Variants in TMEM232 observed in about 807,000 individuals in gnomAD.
TMEM232 encodes transmembrane protein 232.
A neutral mutation model predicts 78.8 loss-of-function variants in TMEM232; 80 were observed. The observed-to-expected ratio is 1.01, with a 90% CI of 0.85 to 1.22. TMEM232 has a LOEUF of 1.22. Ranked by LOEUF, TMEM232 falls within the 50% of genes most tolerant of loss-of-function variation. TMEM232 has a pLI of 0.00. For synonymous variants in TMEM232, 297 were observed against 254.3 expected (o/e 1.17, Z -1.60); for missense variants, 881 against 742.2 (o/e 1.19, Z -2.17).
rs983151660 is a variant in TMEM232, at chr5:110,510,510, A to G, written c.1703+18078T>C. Among the ~76,000 whole-genome samples the G allele has an allele frequency of 5.9e-5, 9 of 152,172 alleles. 1 individual carries two copies. The highest frequency in any genetic ancestry group is 4.6e-4 in the Admixed American group (7 of 15,276). The stretch of plus-strand genomic sequence containing the variant: ...TCTCCTTTCCATTTCTATTGCCACT[A>G]ATCTAGTGCAGGCTATATTGAATGG... On this transcript the variant is annotated intron_variant, in intron 12 of 13. Coordinates refer to ENST00000455884, the MANE Select transcript of TMEM232 (RefSeq NM_001039763.4).
chr5:110,414,730 C>A (rs1487365924), downstream of TMEM232, among the ~76,000 whole-genome samples: 5 of 152,080 alleles, frequency 3.3e-5, no homozygotes, highest in Non-Finnish European at 7.3e-5. Flanking sequence ...CTTTTCCCTC[C>A]ATTCTCTGTT....
chr5:110,582,994 T>C (rs1265110401), intron 10 of TMEM232, among the ~76,000 whole-genome samples: 1 of 151,976 alleles, frequency 6.6e-6, no homozygotes, highest in Non-Finnish European at 1.5e-5. Flanking sequence ...AAACATTGTT[T>C]AAAAACTTAA....
chr5:110,718,327 T>G (rs1360993437), intron 1 of TMEM232, among the ~76,000 whole-genome samples: 1 of 152,118 alleles, frequency 6.6e-6, no homozygotes, highest in African/African-American at 2.4e-5. Context: ...TATTATGAAG[T>G]TTTCAAAACA....
chr5:110,732,286 T>G (rs1432561737), intron 2 of TMEM232, among the ~76,000 whole-genome samples: 3 of 152,222 alleles, frequency 2.0e-5, no homozygotes, highest in Non-Finnish European at 4.4e-5. Context: ...CCCTCCAAAC[T>G]ATTCCAACTT....
intron 1 of TMEM232, among the ~76,000 whole-genome samples, chr5:110,705,084 C>T (rs1353120315): frequency 1.3e-5 from 2 of 152,152 alleles, no homozygotes; most frequent in Non-Finnish European, 2.9e-5. Context: ...CCAAACTAAA[C>T]TATATCTACA....
chr5:110,478,998 T>C (rs566848798), intron 12 of TMEM232, among the ~76,000 whole-genome samples: 235 of 150,882 alleles, frequency 1.6e-3, no homozygotes, highest in Non-Finnish European at 2.6e-3. Context: ...AAAGTGTTAC[T>C]GAGTCTGCGG....
intron 12 of TMEM232, among the ~76,000 whole-genome samples, chr5:110,483,856 A>G (rs1764179174): frequency 6.6e-6 from 1 of 152,190 alleles, no homozygotes; most frequent in African/African-American, 2.4e-5. Context: ...AGACACATGC[A>G]CTTGCATGTT....
At chr5:110,523,203 T>C (rs1192345817) in intron 12 of TMEM232, among the ~76,000 whole-genome samples, 1 of 152,198 alleles carries the variant, frequency 6.6e-6, no homozygotes, top group African/African-American at 2.4e-5. Context: ...TAATTGTTCA[T>C]AGGTGTCTCT....
At chr5:110,639,528 T>C (rs1786373021) in intron 4 of TMEM232, among the ~76,000 whole-genome samples, 1 of 152,260 alleles carries the variant, frequency 6.6e-6, no homozygotes, top group Admixed American at 6.5e-5. Context: ...AGGACTGTGA[T>C]GACTACACAA....
chr5:110,521,991 T>C (rs1289047874), intron 12 of TMEM232, among the ~76,000 whole-genome samples: 1 of 152,210 alleles, frequency 6.6e-6, no homozygotes, highest in African/African-American at 2.4e-5. Context: ...TCTATTTATT[T>C]AGAAAATGCC....
chr5:110,688,627 T>C (rs1413897264), intron 1 of TMEM232, among the ~76,000 whole-genome samples: 1 of 152,100 alleles, frequency 6.6e-6, no homozygotes, highest in African/African-American at 2.4e-5. Flanking sequence ...GGAGGCCATA[T>C]AGATGGGACA....
intron 1 of TMEM232, chr5:110,667,681 CT>C (rs944835818): frequency 4.9e-5 from 8 of 164,196 alleles, no homozygotes; most frequent in African/African-American, 1.9e-4. Flanking sequence ...TGCTCTGTGC[CT>C]CAGCTTCCTC....
intron 1 of TMEM232, among the ~76,000 whole-genome samples, chr5:110,721,623 T>C (rs1797612910): frequency 9.7e-6 from 1 of 103,196 alleles, no homozygotes; most frequent in Non-Finnish European, 2.1e-5. Flanking sequence ...TCATAAGCTA[T>C]CATATGTGTG....
At chr5:110,533,698 A>G (rs1771895980) in intron 11 of TMEM232, among the ~76,000 whole-genome samples, 1 of 152,136 alleles carries the variant, frequency 6.6e-6, no homozygotes, top group East Asian at 1.9e-4. Flanking sequence ...GGCCTCCCAC[A>G]TTATTCCTGA....
rs375386033 is a variant in TMEM232 at position 110,663,162 on chromosome 5, T to C, written c.125+4066A>G. ...CAAAATTAACAGAATTAATGGATAA[T>C]TTGCAGTAAGTTAATAAAATGCAAC... On this transcript the variant is annotated intron_variant, in intron 2 of 13. Coordinates refer to ENST00000455884, the MANE Select transcript of TMEM232 (RefSeq NM_001039763.4). Among the ~76,000 whole-genome samples, 13 of 152,162 alleles carry C rather than the reference T, an allele frequency of 8.5e-5. 2 individuals carry two copies. Among genetic ancestry groups the C allele is most frequent in the East Asian group, 5.8e-4 (3 of 5,176 alleles).
intron 3 of TMEM232, 64 bp downstream of exon 3, chr5:110,642,196 G>A (rs1786828419): frequency 2.2e-6 from 2 of 926,122 alleles, no homozygotes; most frequent in Non-Finnish European, 3.2e-6. Context: ...ATTTTAGAAT[G>A]TGTAATCATG....
At chr5:110,664,179 T>C (rs922320398) in intron 2 of TMEM232, among the ~76,000 whole-genome samples, 6 of 152,076 alleles carry the variant, frequency 3.9e-5, no homozygotes, top group Non-Finnish European at 5.9e-5. Context: ...CCTGCACAGA[T>C]ACACAAGGAG....
At chr5:110,600,759 T>C (rs1184356607) in intron 10 of TMEM232, among the ~76,000 whole-genome samples, 1 of 152,194 alleles carries the variant, frequency 6.6e-6, no homozygotes, top group Non-Finnish European at 1.5e-5. Context: ...CCATTCCTTC[T>C]GAAACTATTC....
At chr5:110,457,534 C>T (rs1761034275) in intron 12 of TMEM232, among the ~76,000 whole-genome samples, 1 of 151,778 alleles carries the variant, frequency 6.6e-6, no homozygotes, top group South Asian at 2.1e-4. Context: ...TCTGTTTGTT[C>T]AAAAACTTTT....
Sources: gnomAD v4.1 joint callset for allele counts (sites outside exome capture counted in the v4.1 genomes callset) on GRCh38, gnomAD v4.1.1 for gene constraint, MANE v1.5 for transcripts, NCBI Gene and HGNC (gene_info 2026-07-23, HGNC 2026-07-21) for gene names.